ACBD6: variants seen among roughly 807,000 people sequenced by gnomAD.
The protein encoded by ACBD6 is acyl-CoA binding domain containing 6, also known as acyl-CoA-binding domain-containing protein 6.
Under a neutral mutation model 37.2 loss-of-function variants are expected in ACBD6, and 28 were observed. The ratio of observed to expected loss-of-function variants is 0.75; its 90% CI spans 0.56 to 1.03. The LOEUF (loss-of-function observed/expected upper bound fraction) is 1.03, where lower values mean the gene tolerates loss of function less well. Among genes scored for constraint, ACBD6 ranks in the 50% least tolerant of loss-of-function variants. ACBD6 has a pLI of 0.00. For synonymous variants in ACBD6, 113 were observed against 126.8 expected (o/e 0.89, Z 0.73); for missense variants, 340 against 337.4 (o/e 1.01, Z -0.06).
intron 3 of ACBD6, 32 bp downstream of exon 3, chr1:180,492,237 G>A (rs770856690): frequency 2.0e-5 from 30 of 1,512,922 alleles, no homozygotes; most frequent in Non-Finnish European, 1.3e-5. Flanking sequence ...ATAAGTTTTT[G>A]GAAAGTATTA....
At chr1:180,431,578 T>C (rs1430921733) in intron 3 of ACBD6, among the ~76,000 whole-genome samples, 2 of 152,202 alleles carry the variant, frequency 1.3e-5, no homozygotes. Context: ...ATGATATTTT[T>C]GACTTATAAT....
At chr1:180,404,328 T>C (rs989738375) in intron 5 of ACBD6, among the ~76,000 whole-genome samples, 2 of 152,124 alleles carry the variant, frequency 1.3e-5, no homozygotes, top group African/African-American at 4.8e-5. Context: ...TTGTTTTATT[T>C]ATTCATTTTT....
downstream of ACBD6, among the ~76,000 whole-genome samples, chr1:180,285,099 G>A (rs763827917): frequency 6.6e-6 from 1 of 152,098 alleles, no homozygotes; most frequent in African/African-American, 2.4e-5. Flanking sequence ...TGGTGCCACT[G>A]CACTCCAGCC....
chr1:180,398,204 A>G (rs541120994), intron 5 of ACBD6, among the ~76,000 whole-genome samples: 2 of 152,348 alleles, frequency 1.3e-5, no homozygotes, highest in East Asian at 3.8e-4. Flanking sequence ...GATAGTAATA[A>G]CAACAATAAT....
At chr1:180,312,560 T>C (rs1650635022) in intron 7 of ACBD6, among the ~76,000 whole-genome samples, 1 of 152,204 alleles carries the variant, frequency 6.6e-6, no homozygotes, top group Non-Finnish European at 1.5e-5. Flanking sequence ...TTTTGTGTTA[T>C]CTACAATTCT....
chr1:180,289,960 G>A (rs1477238544), intron 7 of ACBD6, among the ~76,000 whole-genome samples: 3 of 152,128 alleles, frequency 2.0e-5, no homozygotes, highest in Non-Finnish European at 4.4e-5. Context: ...ATCTCTCAAA[G>A]ATTACCACTA....
In ACBD6 at chr1:180,492,261, AG is replaced by A. The variant is rs906413848; in HGVS notation, c.384+7del. ...TGGAAAGTATTATTTATAATCATTAAGTCTTACCTGAGGATTCCAACCTGGA... is the reference window on the plus strand; with the variant it reads ...TGGAAAGTATTATTTATAATCATTAATCTTACCTGAGGATTCCAACCTGGA... On this transcript the variant is annotated splice_region_variant and intron_variant, in intron 3 of 7. Coordinates refer to ENST00000367595, the MANE Select transcript of ACBD6 (RefSeq NM_032360.4). 2 of 1,599,822 alleles carry A rather than the reference AG, an allele frequency of 1.3e-6. No individual in the cohort carries two copies. Among genetic ancestry groups the A allele is most frequent in the African/African-American group, 2.7e-5 (2 of 74,636 alleles).
At chr1:180,482,663 A>G (rs995972661) in intron 3 of ACBD6, among the ~76,000 whole-genome samples, 1 of 152,186 alleles carries the variant, frequency 6.6e-6, no homozygotes, top group Admixed American at 6.5e-5. Context: ...TGCGAGTAGA[A>G]ACGGAGGAAG....
intron 7 of ACBD6, among the ~76,000 whole-genome samples, chr1:180,295,995 AC>A (rs1404010282): frequency 6.6e-6 from 1 of 152,226 alleles, no homozygotes; most frequent in Admixed American, 6.5e-5. Flanking sequence ...CCAACATAGG[AC>A]AAAAGCTAGG....
At chr1:180,444,201 T>C (rs1557873568) in intron 3 of ACBD6, among the ~76,000 whole-genome samples, 2 of 150,674 alleles carry the variant, frequency 1.3e-5, no homozygotes, top group Non-Finnish European at 2.9e-5. Flanking sequence ...TAAACAGACA[T>C]AATGAATATT....
chr1:180,384,449 G>A (rs78462912), intron 6 of ACBD6, among the ~76,000 whole-genome samples: 67 of 152,098 alleles, frequency 4.4e-4, no homozygotes, highest in Non-Finnish European at 7.7e-4. Context: ...TCAAGACCAC[G>A]AGATACCATC....
rs1033324253 is a variant in ACBD6 at position 180,502,341 on chromosome 1, T to C, written c.-75A>G. On this transcript the variant is annotated 5_prime_UTR_variant, in exon 1 of 8. Coordinates refer to ENST00000367595, the MANE Select transcript of ACBD6 (RefSeq NM_032360.4). ...TGGGTGTAAGGCCGGCTTGGAGGCC[T>C]GGCCCACCAGTCTGGGTCGCGAGCC... The C allele has an allele frequency of 7.0e-5, 107 of 1,526,548 alleles. No individual in the cohort carries two copies. Among genetic ancestry groups the C allele is most frequent in the Non-Finnish European group, 9.1e-5 (102 of 1,114,796 alleles). The allele number at this position is 1,526,548 out of a possible 1,614,324, so 94.6% of individuals were successfully genotyped here.
intron 6 of ACBD6, among the ~76,000 whole-genome samples, chr1:180,388,106 G>T (rs1653915975): frequency 6.6e-6 from 1 of 151,680 alleles, no homozygotes; most frequent in African/African-American, 2.4e-5. Flanking sequence ...AACCCAGGAG[G>T]CGGAGCTTGC....
chr1:180,431,299 G>C (rs1274180674), intron 3 of ACBD6, among the ~76,000 whole-genome samples: 1 of 152,098 alleles, frequency 6.6e-6, no homozygotes, highest in Non-Finnish European at 1.5e-5. Context: ...AATTTTTGAG[G>C]AGATGAATCA....
chr1:180,438,870 A>G (rs1649167032), intron 3 of ACBD6, among the ~76,000 whole-genome samples: 1 of 152,178 alleles, frequency 6.6e-6, no homozygotes, highest in African/African-American at 2.4e-5. Flanking sequence ...ACCATTCAGA[A>G]TAGTTTCACT....
At chr1:180,463,991 TA>T (rs1289943789) in intron 3 of ACBD6, among the ~76,000 whole-genome samples, 2 of 152,138 alleles carry the variant, frequency 1.3e-5, no homozygotes, top group African/African-American at 4.8e-5. Context: ...AGGATTTCGA[TA>T]AAACTCAACA....
chr1:180,483,480 G>C (rs749380733), intron 3 of ACBD6, among the ~76,000 whole-genome samples: 7 of 152,068 alleles, frequency 4.6e-5, no homozygotes, highest in Non-Finnish European at 8.8e-5. Flanking sequence ...CCTAAGAGCA[G>C]GGGTTGTTCT....
chr1:180,278,887 A>T (rs536912615), intron 9 of ACBD6: 1 of 152,330 alleles, frequency 6.6e-6, no homozygotes, highest in African/African-American at 2.4e-5. Flanking sequence ...TGACTTTGGA[A>T]AACAGAAGCT....
Position 180,413,413 on chromosome 1 carries a change from T to C in ACBD6, c.526A>G (p.Lys176Glu), listed in dbSNP as rs746515006. The C allele has an allele frequency of 2.5e-6, 4 of 1,613,476 alleles. No homozygotes were observed. In the Admixed American group the frequency reaches 5.0e-5, roughly 20 times the overall value. ...CRENNIDHIT[K>E]AIKSKNVDVN... ...TCCACATTTTTCGATTTGATGGCTTTGGTTATATGGTCAATGTTGTTTTCC... is the reference window on the plus strand; with the variant it reads ...TCCACATTTTTCGATTTGATGGCTTCGGTTATATGGTCAATGTTGTTTTCC... Residue 176 changes from lysine (K) to glutamate (E), a missense_variant, in exon 5 of 8, where the codon AAA (lysine) becomes GAA (glutamate). Lys to Glu is a moderately conservative substitution (Grantham distance 56, BLOSUM62 1). Transcript: ENST00000367595.
Sources: allele counts gnomAD v4.1 joint callset (sites outside exome capture counted in the v4.1 genomes callset), GRCh38; gene constraint gnomAD v4.1.1; transcripts MANE v1.5; gene names NCBI Gene and HGNC (gene_info 2026-07-23, HGNC 2026-07-21).